CCDC178: variants seen among roughly 807,000 people sequenced by gnomAD.
CCDC178 encodes coiled-coil domain containing 178.
Under a neutral mutation model 117.4 loss-of-function variants are expected in CCDC178, and 126 were observed. The ratio of observed to expected loss-of-function variants is 1.07; its 90% CI spans 0.93 to 1.24. CCDC178 has a LOEUF of 1.24. CCDC178 is among the 50% of genes most tolerant of loss of function. CCDC178 has a pLI of 0.00. For missense variants in CCDC178, 1,030 were observed against 986.9 expected (o/e 1.04, Z -0.59); for synonymous variants, 283 against 313.4 (o/e 0.90, Z 1.02).
At chr18:32,993,650 AC>A (rs1235237538) in intron 21 of CCDC178, among the ~76,000 whole-genome samples, 1 of 152,122 alleles carries the variant, frequency 6.6e-6, no homozygotes, top group Non-Finnish European at 1.5e-5. Context: ...TTTATCATGC[AC>A]AGATAGGGAT....
chr18:33,257,403 G>T lies in CCDC178; in HGVS notation c.1409+9513C>A, dbSNP rs1376294781. On this transcript the variant is annotated intron_variant, in intron 14 of 22. Coordinates refer to ENST00000383096, the MANE Select transcript of CCDC178 (RefSeq NM_001105528.4). ...CTTACTTTATCCAACTCCTTCACTT[G>T]CACAGATCCATGGCCCATGACCTAT... Among the ~76,000 whole-genome samples, 4 of 151,884 alleles carry T rather than the reference G, an allele frequency of 2.6e-5. No homozygotes were observed. In the East Asian group the frequency reaches 7.7e-4, roughly 29 times the overall value.
At chr18:33,157,698 C>G (rs957044470) in intron 20 of CCDC178, among the ~76,000 whole-genome samples, 1 of 152,128 alleles carries the variant, frequency 6.6e-6, no homozygotes, top group African/African-American at 2.4e-5. Flanking sequence ...CTCTGACTTT[C>G]AGTAGCATCC....
intron 21 of CCDC178, among the ~76,000 whole-genome samples, chr18:33,006,724 T>C (rs995568103): frequency 6.6e-6 from 1 of 152,044 alleles, no homozygotes; most frequent in African/African-American, 2.4e-5. Context: ...GACTCTGTCT[T>C]TGCAGATAAG....
intron 14 of CCDC178, among the ~76,000 whole-genome samples, chr18:33,260,191 G>A (rs949152531): frequency 2.6e-5 from 4 of 152,122 alleles, no homozygotes; most frequent in East Asian, 3.9e-4. Flanking sequence ...AGTATATACA[G>A]CCATTTTGTC....
rs1415941878 is a variant in CCDC178 at position 32,952,618 on chromosome 18, T to C, written c.2524-14527A>G. Among the ~76,000 whole-genome samples, 4 of 152,270 alleles carry C rather than the reference T, an allele frequency of 2.6e-5. No individual in the cohort carries two copies. In the East Asian group the frequency reaches 5.8e-4, roughly 22 times the overall value. ...GTGACGGGAGGGGCTGCTGTGAAGG[T>C]CTCTAACATGCCCTGGAGACATTTT... On this transcript the variant is annotated intron_variant, in intron 22 of 22. Coordinates refer to ENST00000383096, the MANE Select transcript of CCDC178 (RefSeq NM_001105528.4).
chr18:33,029,048 T>C (rs939818051), intron 21 of CCDC178, among the ~76,000 whole-genome samples: 9 of 151,928 alleles, frequency 5.9e-5, no homozygotes, highest in Non-Finnish European at 1.0e-4. Context: ...AGTTGGGAAG[T>C]GTCCCTTGCT....
chr18:33,000,321 A>G (rs1484163910), intron 21 of CCDC178, among the ~76,000 whole-genome samples: 1 of 152,068 alleles, frequency 6.6e-6, no homozygotes, highest in Non-Finnish European at 1.5e-5. Context: ...ATTAAAAAAA[A>G]TAAAGCACAC....
intron 15 of CCDC178, among the ~76,000 whole-genome samples, chr18:33,244,067 G>A (rs977548050): frequency 1.3e-5 from 2 of 151,912 alleles, no homozygotes; most frequent in Non-Finnish European, 2.9e-5. Context: ...CCCATTAGGA[G>A]AGACATAGGT....
chr18:33,439,363 G>A (rs1311338261), intron 2 of CCDC178, among the ~76,000 whole-genome samples: 1 of 152,192 alleles, frequency 6.6e-6, no homozygotes, highest in Non-Finnish European at 1.5e-5. Context: ...CTGGGTTGTG[G>A]ATAAAAGCTC....
chr18:33,289,327 A>G (rs1253149545), intron 12 of CCDC178, among the ~76,000 whole-genome samples: 1 of 152,216 alleles, frequency 6.6e-6, no homozygotes, highest in Non-Finnish European at 1.5e-5. Context: ...AATAATTTAA[A>G]AAAATGGCTG....
chr18:33,048,907 T>C (rs1391896331), intron 21 of CCDC178, among the ~76,000 whole-genome samples: 1 of 152,108 alleles, frequency 6.6e-6, no homozygotes, highest in Non-Finnish European at 1.5e-5. Context: ...TTCCAAAACC[T>C]CACTTACAAA....
At chr18:33,419,492 A>G (rs935236549) in intron 2 of CCDC178, among the ~76,000 whole-genome samples, 3 of 152,218 alleles carry the variant, frequency 2.0e-5, no homozygotes, top group Non-Finnish European at 2.9e-5. Context: ...CAGAGTAAAC[A>G]GACAACCCAC....
intron 5 of CCDC178, among the ~76,000 whole-genome samples, chr18:33,377,190 T>C (rs2063377862): frequency 6.6e-6 from 1 of 152,236 alleles, no homozygotes; most frequent in African/African-American, 2.4e-5. Flanking sequence ...TTTGCATTTC[T>C]CTAATGATTA....
intron 9 of CCDC178, among the ~76,000 whole-genome samples, chr18:33,335,436 C>T (rs1051675536): frequency 6.6e-6 from 1 of 151,976 alleles, no homozygotes; most frequent in Non-Finnish European, 1.5e-5. Flanking sequence ...AAGAGTCAGA[C>T]ATTATCTTGT....
At chr18:32,986,601 T>C (rs918067249) in intron 21 of CCDC178, among the ~76,000 whole-genome samples, 10 of 152,088 alleles carry the variant, frequency 6.6e-5, no homozygotes, top group Non-Finnish European at 1.2e-4. Flanking sequence ...TTTATTTCTA[T>C]TGAACCTTCT....
At chr18:33,227,619 A>G (rs1301898250) in intron 15 of CCDC178, among the ~76,000 whole-genome samples, 1 of 150,146 alleles carries the variant, frequency 6.7e-6, no homozygotes, top group African/African-American at 2.4e-5. Context: ...AGGAGGAACA[A>G]TAAAAATTCA....
At chr18:33,119,195 A>C (rs1183358860) in intron 20 of CCDC178, among the ~76,000 whole-genome samples, 1 of 152,196 alleles carries the variant, frequency 6.6e-6, no homozygotes, top group Non-Finnish European at 1.5e-5. Context: ...AATGGGATCT[A>C]ATTAAACTAA....
At chr18:33,396,915 A>C (rs2063645325) in intron 4 of CCDC178, among the ~76,000 whole-genome samples, 1 of 152,184 alleles carries the variant, frequency 6.6e-6, no homozygotes, top group Admixed American at 6.6e-5. Context: ...CACTCTTCTT[A>C]AGTATGCATT....
intron 20 of CCDC178, among the ~76,000 whole-genome samples, chr18:33,124,510 TTACTAA>T (rs1180470897): frequency 6.6e-6 from 1 of 152,232 alleles, no homozygotes; most frequent in African/African-American, 2.4e-5. Context: ...TATTTTCTAG[TTACTAA>T]TACTAGTTTT....
Sources: gnomAD v4.1 joint callset for allele counts (sites outside exome capture counted in the v4.1 genomes callset) on GRCh38, gnomAD v4.1.1 for gene constraint, MANE v1.5 for transcripts, NCBI Gene and HGNC (gene_info 2026-07-23, HGNC 2026-07-21) for gene names.